RHOBTB2: variants seen among roughly 807,000 people sequenced by gnomAD.
RHOBTB2 encodes the protein rho-related BTB domain-containing protein 2.
In RHOBTB2, 39 loss-of-function variants were observed where a neutral mutation model predicts 66.5. The observed-to-expected ratio is 0.59, with a 90% CI of 0.45 to 0.77. The LOEUF is 0.77. Ranked by LOEUF, RHOBTB2 falls within the 30% of genes least tolerant of loss-of-function variation. The pLI is 0.00. For missense variants in RHOBTB2, 755 were observed against 999.1 expected, an observed-to-expected ratio of 0.76 and a Z score of 3.29; for synonymous variants, 390 against 395.0, an observed-to-expected ratio of 0.99 and a Z score of 0.15.
upstream of RHOBTB2, among the ~76,000 whole-genome samples, chr8:22,994,824 G>T (rs1004411688): frequency 1.3e-5 from 2 of 152,230 alleles, no homozygotes; most frequent in Admixed American, 1.3e-4. Flanking sequence ...GGAGTGCAAT[G>T]GCGTGATCTC....
upstream of RHOBTB2, among the ~76,000 whole-genome samples, chr8:22,996,649 C>G (rs1211697352): frequency 1.3e-5 from 2 of 151,672 alleles, no homozygotes; most frequent in South Asian, 4.2e-4. Flanking sequence ...CCCAGGCCTG[C>G]CTTGAGAAGT....
At chr8:22,974,542 C>A in the RHOBTB2 span, among the ~76,000 whole-genome samples, 10 of 152,294 alleles carry the variant, frequency 6.6e-5, no homozygotes, top group South Asian at 2.1e-3. Flanking sequence ...TTTTCCTCCT[C>A]CTGAGGCCCA....
At chr8:22,952,424 CTG>C in the RHOBTB2 span, among the ~76,000 whole-genome samples, 5 of 152,102 alleles carry the variant, frequency 3.3e-5, no homozygotes, top group Admixed American at 2.6e-4. Flanking sequence ...AGGCAGGAGT[CTG>C]TACTTCTTCC....
At chr8:23,001,767 A>G (rs78548175) in intron 1 of RHOBTB2, among the ~76,000 whole-genome samples, 2,786 of 152,202 alleles carry the variant, frequency 0.018, 80 homozygotes, top group African/African-American at 0.063. Flanking sequence ...TTTGCCAGTC[A>G]GGCAGTTGGG....
At position 23,004,692 on chromosome 8, in the gene RHOBTB2, G is replaced by T; in HGVS notation, c.192+66G>T. On this transcript the variant is annotated intron_variant, in intron 2 of 9. Coordinates refer to ENST00000251822, the MANE Select transcript of RHOBTB2 (RefSeq NM_015178.3). The surrounding 1 kb of genome is among the most constrained non-coding windows in gnomAD (Gnocchi z 6.4). Reference sequence around the variant, plus strand: ...AGTCTGGGCTTGGGGGCTTCCTGAGGCATAGCTTGGTGTCTCCAGAGCTCA... The same window carrying T: ...AGTCTGGGCTTGGGGGCTTCCTGAGTCATAGCTTGGTGTCTCCAGAGCTCA... 1 of 1,465,956 alleles carries T rather than the reference G, an allele frequency of 6.8e-7. No homozygotes were observed. 90.8% of individuals were successfully genotyped at this position (1,465,956 alleles called of 1,614,324 possible). A position where few individuals can be genotyped will look rare whatever the true frequency, so the allele number is the denominator to read the frequency against.
At chr8:22,953,031 T>C in the RHOBTB2 span, among the ~76,000 whole-genome samples, 1 of 152,198 alleles carries the variant, frequency 6.6e-6, no homozygotes, top group Non-Finnish European at 1.5e-5. Flanking sequence ...ATTGGCATGC[T>C]TCTGGGGAAT....
chr8:22,959,620 G>C, the RHOBTB2 span, among the ~76,000 whole-genome samples: 1 of 152,030 alleles, frequency 6.6e-6, no homozygotes, highest in East Asian at 1.9e-4. Context: ...TCAAGATCAG[G>C]TTCAGTCTGG....
the RHOBTB2 span, among the ~76,000 whole-genome samples, chr8:22,967,271 C>T: frequency 1.3e-5 from 2 of 152,090 alleles, no homozygotes; most frequent in Admixed American, 1.3e-4. Flanking sequence ...CATGAATGGG[C>T]CTTGAAGGCA....
chr8:22,954,403 A>G, the RHOBTB2 span, among the ~76,000 whole-genome samples: 3 of 152,212 alleles, frequency 2.0e-5, no homozygotes, highest in Non-Finnish European at 4.4e-5. Context: ...AGTTATCTAC[A>G]ATGTATAAAG....
chr8:23,019,998 G>T lies in RHOBTB2; in HGVS notation c.*2529G>T, dbSNP rs762881135. On this transcript the variant is annotated 3_prime_UTR_variant, in exon 10 of 10. Coordinates refer to ENST00000251822, the MANE Select transcript of RHOBTB2 (RefSeq NM_015178.3). The stretch of plus-strand genomic sequence containing the variant: ...AGTCGGATTCAGGAAACACCCCCAG[G>T]AGGCCAAGCCTGAAAACAGAGGGGA... 3.5e-5 allele frequency: 11 copies of T among 313,362 alleles called. No individual in the cohort carries two copies. The highest frequency in any genetic ancestry group is 6.9e-5 in the Non-Finnish European group (11 of 160,560). The allele number at this position is 313,362 out of a possible 1,614,324, so 19.4% of individuals were successfully genotyped here.
At chr8:22,981,229 A>C in the RHOBTB2 span, among the ~76,000 whole-genome samples, 2 of 152,362 alleles carry the variant, frequency 1.3e-5, no homozygotes, top group Middle Eastern at 3.4e-3. Flanking sequence ...GCCAGAACTC[A>C]TTCAAGAAAT....
At chr8:22,999,457 G>A, upstream of RHOBTB2, 2 of 673,770 alleles carry the variant, frequency 3.0e-6, no homozygotes, top group Admixed American at 6.2e-5. Flanking sequence ...GCTGCGAGGC[G>A]GGATCTGCGG....
In RHOBTB2 at chr8:23,004,660, C is replaced by T. The variant is rs1301852026; in HGVS notation, c.192+34C>T. ...GCAGGACTACCTGGCTGGGGGTCCA[C>T]GCCATGAGTCTGGGCTTGGGGGCTT... On this transcript the variant is annotated intron_variant, in intron 2 of 9. Coordinates refer to ENST00000251822, the MANE Select transcript of RHOBTB2 (RefSeq NM_015178.3). This position sits in a 1 kb window ranked among gnomAD's most constrained non-coding sequence, Gnocchi z 6.4. 13 of 1,576,218 alleles carry T rather than the reference C, an allele frequency of 8.2e-6. No individual in the cohort carries two copies. Among genetic ancestry groups the T allele is most frequent in the East Asian group, 2.3e-5 (1 of 43,846 alleles).
intron 1 of RHOBTB2, among the ~76,000 whole-genome samples, chr8:23,003,532 G>A (rs921676963): frequency 1.3e-5 from 2 of 152,238 alleles, no homozygotes; most frequent in African/African-American, 4.8e-5. Flanking sequence ...CCCTAGGAAT[G>A]GGAAGGGCAG....
chr8:22,999,450 G>A (rs1268060085), upstream of RHOBTB2: 3 of 630,026 alleles, frequency 4.8e-6, no homozygotes, highest in East Asian at 1.4e-4. Context: ...GAGCGGTGCT[G>A]CGAGGCGGGA....
chr8:22,999,933 TC>T lies in RHOBTB2; in HGVS notation c.-182del. 2.4e-5 allele frequency: 24 copies of T among 985,332 alleles called. No individual in the cohort carries two copies. Among genetic ancestry groups the T allele is most frequent in the Non-Finnish European group, 2.9e-5 (24 of 829,924 alleles). The allele number at this position is 985,332 out of a possible 1,614,324, so 61.0% of individuals were successfully genotyped here. On this transcript the variant is annotated 5_prime_UTR_variant, in exon 1 of 10. The change abolishes the stop of an existing upstream ORF in the 5' untranslated region. Coordinates refer to ENST00000251822, the MANE Select transcript of RHOBTB2 (RefSeq NM_015178.3). ...CGGCCTGGGCTGCCCTGCCGGAGTTTCTGAGTGGCCGCGAGCTGGCCGGGAG... is the reference window on the plus strand; with the variant it reads ...CGGCCTGGGCTGCCCTGCCGGAGTTTTGAGTGGCCGCGAGCTGGCCGGGAG...
At chr8:22,958,628 G>T in the RHOBTB2 span, among the ~76,000 whole-genome samples, 8 of 151,776 alleles carry the variant, frequency 5.3e-5, no homozygotes, top group African/African-American at 1.9e-4. Flanking sequence ...GTGAGACCCT[G>T]TCTCTACAAA....
upstream of RHOBTB2, among the ~76,000 whole-genome samples, chr8:22,998,745 AAG>A (rs1563287374): frequency 6.7e-6 from 1 of 150,272 alleles, no homozygotes; most frequent in Non-Finnish European, 1.5e-5. Context: ...AAAAAAAAAA[AAG>A]ATTATCCTGA....
chr8:22,972,683 G>T, the RHOBTB2 span, among the ~76,000 whole-genome samples: 1 of 152,204 alleles, frequency 6.6e-6, no homozygotes, highest in Non-Finnish European at 1.5e-5. Flanking sequence ...AAGATGTGGA[G>T]GGTTGGACCC....
Sources: allele counts gnomAD v4.1 joint callset (sites outside exome capture counted in the v4.1 genomes callset), GRCh38; gene constraint gnomAD v4.1.1; non-coding constraint Gnocchi (gnomAD v3.1); transcripts MANE v1.5; gene names NCBI Gene and HGNC (gene_info 2026-07-23, HGNC 2026-07-21).